Variants in TARBP1 observed in about 807,000 individuals in gnomAD.
TARBP1 encodes tRNA guanosine 2 -O-methyltransferase TARBP1.
Under a neutral mutation model 178.6 loss-of-function variants are expected in TARBP1, and 144 were observed. That is an observed-to-expected ratio of 0.81 (90% CI 0.70 to 0.93). The LOEUF (loss-of-function observed/expected upper bound fraction) is 0.93, where lower values mean the gene tolerates loss of function less well. Ranked by LOEUF, TARBP1 falls within the 40% of genes least tolerant of loss-of-function variation. The pLI is 0.00. For missense variants in TARBP1, 2,067 were observed against 2,011.7 expected (o/e 1.03, Z -0.53); for synonymous variants, 787 against 781.0 (o/e 1.01, Z -0.13).
chr1:234,475,149 G>C (rs1453781715), intron 1 of TARBP1, among the ~76,000 whole-genome samples: 2 of 152,204 alleles, frequency 1.3e-5, no homozygotes, highest in Non-Finnish European at 2.9e-5. Flanking sequence ...GAGAGACTGT[G>C]GCCAGGGCAG....
chr1:234,464,969 G>A (rs976592539), intron 5 of TARBP1, among the ~76,000 whole-genome samples: 1 of 152,172 alleles, frequency 6.6e-6, no homozygotes, highest in African/African-American at 2.4e-5. Flanking sequence ...GCCACTGTCA[G>A]ATACGGAAAG....
At chr1:234,402,031 G>A (rs1479764434) in intron 24 of TARBP1, among the ~76,000 whole-genome samples, 1 of 152,070 alleles carries the variant, frequency 6.6e-6, no homozygotes, top group Admixed American at 6.5e-5. Context: ...CCCAACTTCC[G>A]CATCTCCCCT....
At chr1:234,455,003 C>T (rs558749337) in intron 9 of TARBP1, among the ~76,000 whole-genome samples, 5 of 152,158 alleles carry the variant, frequency 3.3e-5, no homozygotes, top group Admixed American at 3.3e-4. Flanking sequence ...GCAGAGATCT[C>T]GAAATGCCAG....
intron 9 of TARBP1, among the ~76,000 whole-genome samples, chr1:234,453,894 A>G (rs955163130): frequency 1.3e-5 from 2 of 152,218 alleles, no homozygotes; most frequent in African/African-American, 4.8e-5. Context: ...TGTGCAATAC[A>G]TAGTTCTCAA....
intron 24 of TARBP1, among the ~76,000 whole-genome samples, chr1:234,402,154 T>G (rs940905161): frequency 1.3e-5 from 2 of 152,200 alleles, no homozygotes; most frequent in African/African-American, 4.8e-5. Flanking sequence ...TCAAGCGATA[T>G]CCTAAGGCAA....
At chr1:234,447,038 C>G in intron 11 of TARBP1, 63 bp from the exon 12 acceptor site, 1 of 1,579,062 alleles carries the variant, frequency 6.3e-7, no homozygotes, top group East Asian at 2.3e-5. Context: ...TGCTTCCCAC[C>G]TATAATTGGG....
At chr1:234,460,026 C>T (rs939118324) in intron 7 of TARBP1, among the ~76,000 whole-genome samples, 9 of 152,022 alleles carry the variant, frequency 5.9e-5, no homozygotes, top group Non-Finnish European at 1.3e-4. Flanking sequence ...GGTCAAAATT[C>T]AACAGCACAT....
intron 18 of TARBP1, 22 bp from the exon 19 acceptor site, chr1:234,427,410 T>A: frequency 1.9e-6 from 3 of 1,588,404 alleles, no homozygotes; most frequent in African/African-American, 2.7e-5. Context: ...AAACATTTGA[T>A]AAAGAACAAC....
At chr1:234,438,988 A>G (rs1024764196) in intron 12 of TARBP1, among the ~76,000 whole-genome samples, 1 of 152,266 alleles carries the variant, frequency 6.6e-6, no homozygotes, top group African/African-American at 2.4e-5. Context: ...CTGATGAAAG[A>G]TAAGATCTAT....
chr1:234,478,087 G>T, intron 1 of TARBP1, 86 bp downstream of exon 1: 1 of 1,358,772 alleles, frequency 7.4e-7, no homozygotes, highest in Non-Finnish European at 1.0e-6. Flanking sequence ...TGACGACCCC[G>T]ATAAGCTAGT....
At chr1:234,428,347 A>AC (rs372650311) in intron 17 of TARBP1, among the ~76,000 whole-genome samples, 16,720 of 144,966 alleles carry the variant, frequency 0.12, 1,114 homozygotes, top group Middle Eastern at 0.24. Context: ...CTACACACAC[A>AC]AAAAAAAACC....
At position 234,401,221 on chromosome 1, in the gene TARBP1, A is replaced by G. The variant is rs549195263; in HGVS notation, c.4031T>C (p.Phe1344Ser). The part of the protein sequence containing the change: ...KNWQRIQEHF[F>S]FATFHPLKDY... ...CTTGAGTGGGTGAAATGTTGCAAAA[A>G]AGAAATGCTCCTGAATGCGTTGCCA... is the stretch of plus-strand genomic sequence containing the variant. The change falls in exon 25 of 30, where the codon TTT becomes TCT. Residue 1344 changes from phenylalanine to serine, a missense_variant. Phe to Ser is a radical substitution (Grantham distance 155). Coordinates refer to ENST00000040877, the MANE Select transcript of TARBP1 (RefSeq NM_005646.4). The G allele has an allele frequency of 4.8e-5, 78 of 1,613,610 alleles. No individual in the cohort carries two copies. Among genetic ancestry groups the G allele is most frequent in the Middle Eastern group, 1.6e-4 (1 of 6,078 alleles).
intron 5 of TARBP1, 144 bp downstream of exon 5, chr1:234,465,512 G>A (rs2103279711): frequency 1.5e-6 from 1 of 656,374 alleles, no homozygotes; most frequent in Non-Finnish European, 2.4e-6. Flanking sequence ...AAGAATAACA[G>A]ATAGAAAAAG....
chr1:234,429,791 T>C lies in TARBP1; in HGVS notation c.2610-114A>G, dbSNP rs959936161. On this transcript the variant is annotated intron_variant, in intron 15 of 29. Coordinates refer to ENST00000040877, the MANE Select transcript of TARBP1 (RefSeq NM_005646.4). ...GGGGGGGGGGGGCAGTGTACAGATA[T>C]AAATGGTCATTATCAAACAGCCTAT... 2.4e-5 allele frequency: 28 copies of C among 1,184,448 alleles called. No individual in the cohort carries two copies. The Admixed American group carries it at 2.4e-4, about 10-fold the overall frequency. 73.4% of individuals were successfully genotyped at this position (1,184,448 alleles called of 1,614,324 possible).
chr1:234,428,550 CTT>C (rs201444380), intron 17 of TARBP1, among the ~76,000 whole-genome samples: 2 of 146,630 alleles, frequency 1.4e-5, no homozygotes, highest in Non-Finnish European at 3.0e-5. Context: ...GATTTCCCAA[CTT>C]TTTTTTTTTT....
intron 1 of TARBP1, 123 bp downstream of exon 1, chr1:234,478,050 A>G: frequency 2.0e-6 from 2 of 979,602 alleles, no homozygotes; most frequent in Non-Finnish European, 3.0e-6. Flanking sequence ...AGCAACGCGG[A>G]ATAACCAAAT....
At chr1:234,460,072 CAAAAT>C (rs1667693545) in intron 7 of TARBP1, among the ~76,000 whole-genome samples, 184 bp downstream of exon 7, 3 of 152,084 alleles carry the variant, frequency 2.0e-5, no homozygotes, top group Non-Finnish European at 4.4e-5. Context: ...ATTTGTAAAA[CAAAAT>C]AAGTTCAACT....
At position 234,450,561 on chromosome 1, in the gene TARBP1, A is replaced by T; in HGVS notation, c.1728T>A (p.Cys576Ter). 1 of 1,606,528 alleles carries T rather than the reference A, an allele frequency of 6.2e-7. No individual in the cohort carries two copies. The highest frequency in any genetic ancestry group is 8.5e-7 in the Non-Finnish European group (1 of 1,177,846). ...AGCTTTCATTAACACGTAGCCAGTC[A>T]CACAGCTGGAAAAGAAAACAGTTAT... ...GRGTSLWTEL[C>*]DWLRVNESYF... is the part of the protein sequence containing the mutation. Residue 576 changes from cysteine (C) to a stop codon, truncating the protein, a stop_gained, in exon 10 of 30, where the codon TGT (cysteine) becomes TGA (stop). Coordinates refer to ENST00000040877, the MANE Select transcript of TARBP1 (RefSeq NM_005646.4). LOFTEE classifies it high-confidence loss of function.
At chr1:234,446,715 G>A (rs2203167) in intron 12 of TARBP1, 88 bp downstream of exon 12, 269,922 of 1,012,584 alleles carry the variant, frequency 0.27, 38,987 homozygotes, top group Admixed American at 0.4. Flanking sequence ...TTTTCTCTTT[G>A]TTTTAAAAAG....
Sources: gnomAD v4.1 joint callset for allele counts (sites outside exome capture counted in the v4.1 genomes callset) on GRCh38, gnomAD v4.1.1 for gene constraint, MANE v1.5 for transcripts, NCBI Gene and HGNC (gene_info 2026-07-23, HGNC 2026-07-21) for gene names.